Variants in DPF3 observed in about 807,000 individuals in gnomAD.
DPF3 encodes double PHD fingers 3.
A neutral mutation model predicts 56.8 loss-of-function variants in DPF3; 18 were observed. The ratio of observed to expected loss-of-function variants is 0.32; its 90% confidence interval spans 0.22 to 0.47. The LOEUF is 0.47. DPF3 is among the 20% of genes least tolerant of loss of function. DPF3 has a pLI of 1.00. For missense variants in DPF3, 403 were observed against 488.8 expected (o/e 0.82, Z 1.65); for synonymous variants, 188 against 180.2 (o/e 1.04, Z -0.35).
At chr14:72,788,024 G>A (rs1892279713) in intron 1 of DPF3, among the ~76,000 whole-genome samples, 1 of 152,234 alleles carries the variant, frequency 6.6e-6, no homozygotes, top group Non-Finnish European at 1.5e-5. Context: ...TAAGGTGAAA[G>A]AAACCTACCA....
intron 7 of DPF3, among the ~76,000 whole-genome samples, chr14:72,682,890 C>T (rs1253425696): frequency 6.6e-6 from 1 of 152,210 alleles, no homozygotes; most frequent in Non-Finnish European, 1.5e-5. Context: ...TTCAATTTGA[C>T]AGTACAACCT....
chr14:72,815,364 C>T lies in DPF3; in HGVS notation c.33-43471G>A, dbSNP rs74863478. 1.9e-3 allele frequency among the ~76,000 whole-genome samples: 294 copies of T among 152,344 alleles called. 2 individuals are homozygous for T. The highest frequency in any genetic ancestry group is 6.8e-3 in the Middle Eastern group (2 of 294). On this transcript the variant is annotated intron_variant, in intron 1 of 10. Transcript: ENST00000556509. ...CTCTGGCAAGGATATAGAATAACTA[C>T]GACTCTTACACACTGCGTGTGGGAA... is the stretch of plus-strand genomic sequence containing the variant.
chr14:72,786,261 TAAA>T (rs34500276), intron 1 of DPF3, among the ~76,000 whole-genome samples: 1 of 142,388 alleles, frequency 7.0e-6, no homozygotes, highest in African/African-American at 2.6e-5. Context: ...AGACTCCACC[TAAA>T]AAAAAAAAAG....
At chr14:72,661,714 C>T (rs938343711) in intron 8 of DPF3, 8 of 985,344 alleles carry the variant, frequency 8.1e-6, no homozygotes, top group African/African-American at 1.7e-5. Context: ...TCCTTCAGGT[C>T]GGCCTTCCTA....
chr14:72,705,258 C>T (rs575265692), intron 6 of DPF3, among the ~76,000 whole-genome samples: 1 of 152,024 alleles, frequency 6.6e-6, no homozygotes, highest in Non-Finnish European at 1.5e-5. Context: ...GCAAACTGCA[C>T]ATGCAAGAGA....
intron 1 of DPF3, among the ~76,000 whole-genome samples, chr14:72,844,497 C>G (rs1246584387): frequency 6.6e-6 from 1 of 152,116 alleles, no homozygotes; most frequent in African/African-American, 2.4e-5. Flanking sequence ...AATACAGGGT[C>G]CCTCAGAGGG....
chr14:72,650,366 G>A (rs1025376508), intron 8 of DPF3, among the ~76,000 whole-genome samples: 2 of 152,346 alleles, frequency 1.3e-5, no homozygotes, highest in African/African-American at 4.8e-5. Flanking sequence ...GAAATGAAAG[G>A]GGAGAAAAGA....
intron 7 of DPF3, among the ~76,000 whole-genome samples, chr14:72,692,321 C>T (rs777990166): frequency 1.3e-5 from 2 of 152,198 alleles, no homozygotes; most frequent in Non-Finnish European, 2.9e-5. Context: ...TCCATTATCC[C>T]ATTTCCATGT....
Position 72,667,232 on chromosome 14 carries a change from G to T in DPF3, c.871+7008C>A, listed in dbSNP as rs972707282. ...TAAATGCATATTTCTAATTCCCAGG[G>T]TCATAGTGATTATAGTGTCTGATCT... On this transcript the variant is annotated intron_variant, in intron 8 of 10. Transcript: ENST00000556509. 2.0e-5 allele frequency among the ~76,000 whole-genome samples: 3 copies of T among 152,090 alleles called. No homozygotes were observed. The South Asian group carries it at 6.2e-4, about 32-fold the overall frequency.
At chr14:72,673,219 T>TA (rs1347029117) in intron 8 of DPF3, among the ~76,000 whole-genome samples, 3 of 152,186 alleles carry the variant, frequency 2.0e-5, no homozygotes, top group Non-Finnish European at 4.4e-5. Context: ...AGAGCTGAGT[T>TA]GCTACAGTCA....
chr14:72,671,349 T>A (rs1249657516), intron 8 of DPF3: 1 of 1,613,742 alleles, frequency 6.2e-7, no homozygotes, highest in Non-Finnish European at 8.5e-7. Flanking sequence ...CTGACATGTA[T>A]GATGAATATA....
chr14:72,864,908 G>A (rs1885603685), intron 1 of DPF3, among the ~76,000 whole-genome samples: 1 of 152,202 alleles, frequency 6.6e-6, no homozygotes, highest in South Asian at 2.1e-4. Context: ...AGAGTCCAGA[G>A]ACATACCCAA....
At chr14:72,755,861 C>A (rs1890767361) in intron 2 of DPF3, among the ~76,000 whole-genome samples, 1 of 152,200 alleles carries the variant, frequency 6.6e-6, no homozygotes, top group Admixed American at 6.5e-5. Context: ...GGCTGACAGG[C>A]ACCAGGGTTC....
chr14:72,692,958 G>T, intron 7 of DPF3, 118 bp downstream of exon 7: 1 of 1,526,516 alleles, frequency 6.6e-7, no homozygotes, highest in South Asian at 1.3e-5. Context: ...ACAGCACATT[G>T]AGACCACTCA....
At chr14:72,619,833 T>G in intron 10 of DPF3, 70 bp downstream of exon 10, 2 of 1,385,588 alleles carry the variant, frequency 1.4e-6, no homozygotes, top group Non-Finnish European at 1.9e-6. Flanking sequence ...TGTACCATAG[T>G]GAGAGCTCAG....
chr14:72,724,554 TAGA>T (rs1225848263), intron 4 of DPF3, among the ~76,000 whole-genome samples: 1 of 151,886 alleles, frequency 6.6e-6, no homozygotes, highest in Non-Finnish European at 1.5e-5. Flanking sequence ...TCACTCCCTT[TAGA>T]GGAAGGAAGG....
chr14:72,623,568 T>G (rs1302329431), intron 9 of DPF3, among the ~76,000 whole-genome samples: 3 of 152,190 alleles, frequency 2.0e-5, no homozygotes, highest in Admixed American at 6.5e-5. Context: ...TTTATGTGCA[T>G]CAAATGAGTA....
At chr14:72,884,968 A>ATATATATATATATATATATATATATATC (rs1555516758) in intron 1 of DPF3, among the ~76,000 whole-genome samples, 1 of 115,100 alleles carries the variant, frequency 8.7e-6, no homozygotes, top group Non-Finnish European at 1.8e-5. Context: ...ATATATATAT[A>ATATATATATATATATATATATATATATC]TATTAGCCGG....
In DPF3 at chr14:72,868,324, A is replaced by G. The variant is rs143630865; in HGVS notation, c.32+25733T>C. Among the ~76,000 whole-genome samples the G allele has an allele frequency of 4.0e-3, 602 of 152,228 alleles. 4 individuals carry two copies. Among genetic ancestry groups the G allele is most frequent in the African/African-American group, 0.014 (562 of 41,520 alleles). The stretch of plus-strand genomic sequence containing the variant: ...AAGTTCCCAGAGCCCTAGTCTCCTC[A>G]ATTGCATTTTTGAGGGGCCTAAAGG... On this transcript the variant is annotated intron_variant, in intron 1 of 10. Coordinates refer to ENST00000556509, the MANE Select transcript of DPF3 (RefSeq NM_001280542.3).
Sources: allele counts gnomAD v4.1 joint callset (sites outside exome capture counted in the v4.1 genomes callset), GRCh38; gene constraint gnomAD v4.1.1; transcripts MANE v1.5; gene names NCBI Gene and HGNC (gene_info 2026-07-23, HGNC 2026-07-21).